FBXL7: variants seen among roughly 807,000 people sequenced by gnomAD.
FBXL7 encodes the protein F-box and leucine rich repeat protein 7, also known as F-box/LRR-repeat protein 7.
FBXL7 carries 12 observed loss-of-function variants against 38.3 expected under a neutral mutation model. The ratio of observed to expected loss-of-function variants is 0.31; its 90% CI spans 0.20 to 0.51. The LOEUF is 0.51. Ranked by LOEUF, FBXL7 falls within the 20% of genes least tolerant of loss-of-function variation. The pLI, the probability that FBXL7 is intolerant of heterozygous loss-of-function variation, is 0.98. For synonymous variants in FBXL7, 297 were observed against 300.9 expected (o/e 0.99, Z 0.13); for missense variants, 567 against 676.4 (o/e 0.84, Z 1.79).
chr5:15,676,402 G>T (rs751626284), intron 2 of FBXL7, among the ~76,000 whole-genome samples: 6 of 152,214 alleles, frequency 3.9e-5, no homozygotes, highest in Non-Finnish European at 7.3e-5. Flanking sequence ...GGGTATTGAT[G>T]CCAAGGTTTT....
At chr5:15,739,989 A>G (rs1189647950) in intron 2 of FBXL7, among the ~76,000 whole-genome samples, 1 of 152,138 alleles carries the variant, frequency 6.6e-6, no homozygotes, top group Non-Finnish European at 1.5e-5. Context: ...AGGCTGCTCA[A>G]TTTTATATTC....
At chr5:15,525,099 T>G (rs1180412813) in intron 1 of FBXL7, among the ~76,000 whole-genome samples, 2 of 152,310 alleles carry the variant, frequency 1.3e-5, no homozygotes, top group African/African-American at 4.8e-5. Context: ...TTGCCTCAGT[T>G]TCCCCATCTT....
chr5:15,696,960 T>C (rs1743357858), intron 2 of FBXL7, among the ~76,000 whole-genome samples: 1 of 152,194 alleles, frequency 6.6e-6, no homozygotes, highest in Admixed American at 6.5e-5. Flanking sequence ...TTCGTCTTCA[T>C]CATGTAAAGG....
Position 15,728,051 on chromosome 5 carries a change from T to C in FBXL7, c.127+111979T>C, listed in dbSNP as rs965140060. On this transcript the variant is annotated intron_variant, in intron 2 of 3. Coordinates refer to ENST00000504595, the MANE Select transcript of FBXL7 (RefSeq NM_012304.5). ...TCTTTCATTTCACTTATTGTACTTTTCAGCTCCCATATTTCTTTTCACATT... is the reference window on the plus strand; with the variant it reads ...TCTTTCATTTCACTTATTGTACTTTCCAGCTCCCATATTTCTTTTCACATT... Among the ~76,000 whole-genome samples the C allele has an allele frequency of 3.9e-5, 6 of 152,206 alleles. No homozygotes were observed. The East Asian group carries it at 9.6e-4, about 24-fold the overall frequency.
At chr5:15,663,222 G>A (rs1742151088) in intron 2 of FBXL7, among the ~76,000 whole-genome samples, 1 of 152,104 alleles carries the variant, frequency 6.6e-6, no homozygotes, top group South Asian at 2.1e-4. Context: ...TCGCCTCTCT[G>A]ATTAGCTGTA....
At chr5:15,715,569 C>A (rs1366685265) in intron 2 of FBXL7, among the ~76,000 whole-genome samples, 1 of 150,718 alleles carries the variant, frequency 6.6e-6, no homozygotes, top group African/African-American at 2.4e-5. Context: ...GAATATGTTA[C>A]ACTTTGTGGG....
At chr5:15,705,899 G>GA (rs1218547607) in intron 2 of FBXL7, among the ~76,000 whole-genome samples, 5 of 151,652 alleles carry the variant, frequency 3.3e-5, no homozygotes, top group South Asian at 2.1e-4. Context: ...TTTTTGAAGG[G>GA]AAAAAATGGA....
Position 15,928,337 on chromosome 5 carries a change from C to G in FBXL7, c.575C>G (p.Thr192Ser). The change falls in exon 3 of 4, where the codon ACT becomes AGT. Residue 192 changes from threonine to serine, a missense_variant. Coordinates refer to ENST00000504595, the MANE Select transcript of FBXL7 (RefSeq NM_012304.5). The surrounding 1 kb of genome is among the most constrained non-coding windows in gnomAD (Gnocchi z 4.0). Reference protein sequence around the residue: ...PNVCLMLETVTVSGCRRLTDR... With the variant: ...PNVCLMLETVSVSGCRRLTDR... ...GTGTGTCTCATGCTGGAAACCGTAA[C>G]TGTCAGTGGCTGCAGGCGGCTCACA... 1 of 1,613,968 alleles carries G rather than the reference C, an allele frequency of 6.2e-7. No individual in the cohort carries two copies. The highest frequency in any genetic ancestry group is 1.1e-5 in the South Asian group (1 of 91,062).
chr5:15,857,663 T>C (rs1054683235), intron 2 of FBXL7, among the ~76,000 whole-genome samples: 2 of 152,216 alleles, frequency 1.3e-5, no homozygotes, highest in Non-Finnish European at 2.9e-5. Flanking sequence ...ATTTTAAAGG[T>C]GGCAAAAGTA....
intron 2 of FBXL7, among the ~76,000 whole-genome samples, chr5:15,635,805 G>T (rs1355013156): frequency 2.6e-5 from 4 of 152,160 alleles, no homozygotes; most frequent in Non-Finnish European, 5.9e-5. Context: ...CGTCTGCGTG[G>T]CCCTGGGAAT....
At chr5:15,903,036 C>T (rs1358691632) in intron 2 of FBXL7, among the ~76,000 whole-genome samples, 1 of 152,180 alleles carries the variant, frequency 6.6e-6, no homozygotes, top group Non-Finnish European at 1.5e-5. Flanking sequence ...CTGTGAGGAC[C>T]ACTGGGAGCC....
chr5:15,689,763 A>T (rs1743128212), intron 2 of FBXL7, among the ~76,000 whole-genome samples: 1 of 152,222 alleles, frequency 6.6e-6, no homozygotes, highest in African/African-American at 2.4e-5. Flanking sequence ...AATTTTGCAG[A>T]TGAGGAAACT....
At chr5:15,640,410 T>G (rs574300791) in intron 2 of FBXL7, among the ~76,000 whole-genome samples, 1 of 152,172 alleles carries the variant, frequency 6.6e-6, no homozygotes, top group African/African-American at 2.4e-5. Flanking sequence ...ACAGCAGTTA[T>G]AGAATTGAGG....
intron 2 of FBXL7, among the ~76,000 whole-genome samples, chr5:15,663,771 C>T (rs1489386142): frequency 6.6e-6 from 1 of 152,086 alleles, no homozygotes; most frequent in African/African-American, 2.4e-5. Flanking sequence ...GAATATTTGC[C>T]TGCTCCTTTA....
chr5:15,749,441 A>G (rs1736098277), intron 2 of FBXL7, among the ~76,000 whole-genome samples: 1 of 151,884 alleles, frequency 6.6e-6, no homozygotes, highest in Admixed American at 6.6e-5. Context: ...TCTGGCTAAC[A>G]CGGTGAAACC....
intron 2 of FBXL7, among the ~76,000 whole-genome samples, chr5:15,822,691 T>C (rs1738204871): frequency 6.6e-6 from 1 of 150,902 alleles, no homozygotes; most frequent in Admixed American, 6.6e-5. Flanking sequence ...CCCTTTCATA[T>C]GGCTTAGCAG....
chr5:15,535,324 G>C (rs1218259751), intron 1 of FBXL7, among the ~76,000 whole-genome samples: 1 of 152,222 alleles, frequency 6.6e-6, no homozygotes, highest in Non-Finnish European at 1.5e-5. Flanking sequence ...AATGGGCAGA[G>C]GTTGGAACAG....
intron 2 of FBXL7, among the ~76,000 whole-genome samples, chr5:15,664,175 C>T (rs1413946697): frequency 6.6e-6 from 1 of 152,090 alleles, no homozygotes; most frequent in African/African-American, 2.4e-5. Flanking sequence ...ACATAATTAG[C>T]TTACCACCAT....
intron 2 of FBXL7, among the ~76,000 whole-genome samples, chr5:15,905,817 G>C (rs938900155): frequency 1.3e-5 from 2 of 152,048 alleles, no homozygotes; most frequent in African/African-American, 4.8e-5. Flanking sequence ...GAATGGAGAG[G>C]ATAGGTCATA....
Sources: gnomAD v4.1 joint callset for allele counts (sites outside exome capture counted in the v4.1 genomes callset) on GRCh38, gnomAD v4.1.1 for gene constraint, Gnocchi (gnomAD v3.1) non-coding constraint, MANE v1.5 for transcripts, NCBI Gene and HGNC (gene_info 2026-07-23, HGNC 2026-07-21) for gene names.